DCT: variants seen among roughly 807,000 people sequenced by gnomAD.
The protein encoded by DCT is dopachrome tautomerase.
Under a neutral mutation model 53.0 loss-of-function variants are expected in DCT, and 47 were observed. The ratio of observed to expected loss-of-function variants is 0.89; its 90% CI spans 0.70 to 1.13. The LOEUF is 1.13. DCT is among the 50% of genes most tolerant of loss of function. The probability of loss-of-function intolerance (pLI) is 0.00; values close to 1 mark genes in which losing one functional copy is unlikely to be tolerated. For synonymous variants in DCT, 244 were observed against 237.0 expected, an observed-to-expected ratio of 1.03 and a Z score of -0.27; for missense variants, 669 against 637.4, an observed-to-expected ratio of 1.05 and a Z score of -0.53.
chr13:94,522,732 C>T, the DCT span, among the ~76,000 whole-genome samples: 1 of 152,160 alleles, frequency 6.6e-6, no homozygotes, highest in Admixed American at 6.5e-5. Flanking sequence ...TCATTTGCAG[C>T]TCACCATGAT....
the DCT span, among the ~76,000 whole-genome samples, chr13:94,540,978 T>A: frequency 6.6e-6 from 1 of 152,214 alleles, no homozygotes; most frequent in South Asian, 2.1e-4. Context: ...TGAGATCCTG[T>A]CATTTGCAAC....
In DCT at chr13:94,479,327, C is replaced by T. The variant is rs1885331436; in HGVS notation, c.-72G>A. The T allele has an allele frequency of 3.9e-6, 5 of 1,286,762 alleles. No homozygotes were observed. Among genetic ancestry groups the T allele is most frequent in the Non-Finnish European group, 4.2e-6 (4 of 945,104 alleles). The allele number at this position is 1,286,762 out of a possible 1,614,324, so 79.7% of individuals were successfully genotyped here. On this transcript the variant is annotated 5_prime_UTR_variant, in exon 1 of 8. Coordinates refer to ENST00000377028, the MANE Select transcript of DCT (RefSeq NM_001922.5). ...TCTGTCGTACTTTTCTCCTTATCTT[C>T]TACTCTTTCAGTCTTTTCTTTTCAG...
the DCT span, among the ~76,000 whole-genome samples, chr13:94,517,057 T>C: frequency 6.6e-6 from 1 of 152,226 alleles, no homozygotes; most frequent in Non-Finnish European, 1.5e-5. Flanking sequence ...ACTAATTATG[T>C]AGTTTCTAAA....
At chr13:94,442,133 A>G (rs951233719) in intron 7 of DCT, among the ~76,000 whole-genome samples, 1 of 152,060 alleles carries the variant, frequency 6.6e-6, no homozygotes, top group African/African-American at 2.4e-5. Flanking sequence ...ACTTAATTCG[A>G]GGTAATTCTC....
At position 94,465,724 on chromosome 13, in the gene DCT, T is replaced by C. The variant is rs1391201044; in HGVS notation, c.772A>G (p.Thr258Ala). Residue 258 changes from threonine (T) to alanine (A), a missense_variant, in exon 4 of 8, where the codon ACA becomes GCA. Coordinates refer to ENST00000377028, the MANE Select transcript of DCT (RefSeq NM_001922.5). ...CTCGCTGCCCCAAACAGCTGGTCTGTACACACATCACACTCGTTCCTCCCA... is the reference window on the plus strand; with the variant it reads ...CTCGCTGCCCCAAACAGCTGGTCTGCACACACATCACACTCGTTCCTCCCA... Reference protein sequence around the residue: ...ATGRNECDVCTDQLFGAARPD... With the variant: ...ATGRNECDVCADQLFGAARPD... 11 of 1,613,112 alleles carry C rather than the reference T, an allele frequency of 6.8e-6. No homozygotes were observed. Among genetic ancestry groups the C allele is most frequent in the African/African-American group, 1.3e-5 (1 of 74,680 alleles).
At chr13:94,534,896 C>T in the DCT span, among the ~76,000 whole-genome samples, 1 of 152,222 alleles carries the variant, frequency 6.6e-6, no homozygotes, top group African/African-American at 2.4e-5. Flanking sequence ...TTCCCCAATG[C>T]CATCCAAATA....
intron 6 of DCT, among the ~76,000 whole-genome samples, chr13:94,450,744 A>C (rs906660844): frequency 2.6e-5 from 4 of 152,220 alleles, no homozygotes; most frequent in Non-Finnish European, 5.9e-5. Flanking sequence ...ATAAGTTGAC[A>C]TTACGGATTG....
At chr13:94,515,662 G>A in the DCT span, among the ~76,000 whole-genome samples, 1 of 152,178 alleles carries the variant, frequency 6.6e-6, no homozygotes, top group African/African-American at 2.4e-5. Context: ...CTGCTGTTCA[G>A]AAAAAGAGAA....
At chr13:94,485,616 C>G in the DCT span, among the ~76,000 whole-genome samples, 1 of 152,174 alleles carries the variant, frequency 6.6e-6, no homozygotes, top group Admixed American at 6.5e-5. Flanking sequence ...GTATCCTCCC[C>G]AAATTCACAA....
the DCT span, among the ~76,000 whole-genome samples, chr13:94,488,839 T>C: frequency 6.8e-6 from 1 of 146,098 alleles, no homozygotes; most frequent in African/African-American, 2.5e-5. Context: ...TACATACATA[T>C]ACACACACAT....
At chr13:94,475,977 G>T (rs1171865403) in intron 1 of DCT, among the ~76,000 whole-genome samples, 2 of 137,102 alleles carry the variant, frequency 1.5e-5, no homozygotes, top group Non-Finnish European at 3.5e-5. Flanking sequence ...AGCAGATCAC[G>T]GGGGGAGGTG....
chr13:94,504,977 G>A, the DCT span, among the ~76,000 whole-genome samples: 1 of 151,912 alleles, frequency 6.6e-6, no homozygotes, highest in Non-Finnish European at 1.5e-5. Context: ...ACATCAGAAC[G>A]GAGACGGCAC....
chr13:94,447,397 C>G (rs1247739683), intron 6 of DCT, among the ~76,000 whole-genome samples: 1 of 152,178 alleles, frequency 6.6e-6, no homozygotes, highest in Non-Finnish European at 1.5e-5. Flanking sequence ...GGTTTGCACT[C>G]TTATGAGAAT....
At chr13:94,537,981 A>G in the DCT span, among the ~76,000 whole-genome samples, 2 of 152,208 alleles carry the variant, frequency 1.3e-5, no homozygotes, top group Non-Finnish European at 2.9e-5. Flanking sequence ...AGCACCTACT[A>G]TGAGTTTTCT....
chr13:94,527,829 A>G, the DCT span, among the ~76,000 whole-genome samples: 5 of 152,144 alleles, frequency 3.3e-5, no homozygotes, highest in Non-Finnish European at 1.5e-5. Context: ...GTCGGTAATA[A>G]CAAACTTCTC....
the DCT span, among the ~76,000 whole-genome samples, chr13:94,547,984 A>AAAAAATATATATATAT: frequency 4.6e-5 from 3 of 65,844 alleles, no homozygotes; most frequent in Non-Finnish European, 6.8e-5. Context: ...AAAAAAAAAA[A>AAAAAATATATATATAT]ATATATATAT....
At chr13:94,504,880 C>G in the DCT span, among the ~76,000 whole-genome samples, 1 of 151,988 alleles carries the variant, frequency 6.6e-6, no homozygotes, top group African/African-American at 2.4e-5. Flanking sequence ...TTCTTTGTAT[C>G]CAAGGCACCT....
chr13:94,519,583 T>G, the DCT span, among the ~76,000 whole-genome samples: 1,021 of 152,184 alleles, frequency 6.7e-3, 10 homozygotes, highest in African/African-American at 0.024. Flanking sequence ...TTATATGGGG[T>G]TTGCACTGCA....
chr13:94,490,175 ACACCAAGTTCATTACTTTAT>A, the DCT span, among the ~76,000 whole-genome samples: 4 of 152,182 alleles, frequency 2.6e-5, no homozygotes, highest in Non-Finnish European at 5.9e-5. Context: ...TGGTGGTTTT[ACACCAAGTTCATTACTTTAT>A]CATTGCTGTC....
Sources: gnomAD v4.1 joint callset for allele counts (sites outside exome capture counted in the v4.1 genomes callset) on GRCh38, gnomAD v4.1.1 for gene constraint, MANE v1.5 for transcripts, NCBI Gene and HGNC (gene_info 2026-07-23, HGNC 2026-07-21) for gene names.